Variants in SCML4 observed in about 807,000 individuals in gnomAD.
SCML4 encodes the protein sex comb on midleg-like protein 4.
Under a neutral mutation model 41.1 loss-of-function variants are expected in SCML4, and 34 were observed. The observed-to-expected ratio is 0.83, with a 90% CI of 0.63 to 1.10. The LOEUF (loss-of-function observed/expected upper bound fraction) is 1.10. Ranked by LOEUF, SCML4 falls within the 50% of genes least tolerant of loss-of-function variation. SCML4 has a pLI of 0.00. For missense variants in SCML4, 522 were observed against 534.1 expected (o/e 0.98, Z 0.22); for synonymous variants, 214 against 220.9 (o/e 0.97, Z 0.28).
the SCML4 span, among the ~76,000 whole-genome samples, chr6:107,843,634 C>T: frequency 1.3e-5 from 2 of 152,194 alleles, no homozygotes; most frequent in East Asian, 3.8e-4. Context: ...CTGCCGGTAA[C>T]ATTTGTGCTG....
intron 1 of SCML4, among the ~76,000 whole-genome samples, chr6:107,787,749 A>G (rs77757525): frequency 0.021 from 3,138 of 152,348 alleles, 112 homozygotes; most frequent in African/African-American, 0.069. Flanking sequence ...CACCTTGCCA[A>G]GTAGGAATCC....
intron 5 of SCML4, among the ~76,000 whole-genome samples, chr6:107,739,687 T>C (rs892974485): frequency 2.0e-5 from 3 of 152,226 alleles, no homozygotes; most frequent in African/African-American, 4.8e-5. Context: ...CAAATGCATA[T>C]GCCTTTCTTG....
At chr6:107,820,939 C>T (rs1322234066) in intron 1 of SCML4, among the ~76,000 whole-genome samples, 1 of 152,186 alleles carries the variant, frequency 6.6e-6, no homozygotes, top group Non-Finnish European at 1.5e-5. Context: ...AATTTTACCA[C>T]GATTTGGGTG....
At chr6:107,837,905 C>CTTTTTT in the SCML4 span, among the ~76,000 whole-genome samples, 2 of 115,316 alleles carry the variant, frequency 1.7e-5, no homozygotes, top group African/African-American at 3.2e-5. Flanking sequence ...TTATGATTTT[C>CTTTTTT]TTTTTTTTTT....
At chr6:107,812,578 C>T (rs1784233926) in intron 1 of SCML4, among the ~76,000 whole-genome samples, 1 of 152,204 alleles carries the variant, frequency 6.6e-6, no homozygotes, top group African/African-American at 2.4e-5. Flanking sequence ...TGGCAACCCA[C>T]ACGTGGGGGG....
intron 1 of SCML4, among the ~76,000 whole-genome samples, chr6:107,780,579 C>T (rs1781405715): frequency 6.6e-6 from 1 of 151,916 alleles, no homozygotes; most frequent in African/African-American, 2.4e-5. Context: ...TGGTGGCACA[C>T]ATCTGTGGTC....
At chr6:107,760,099 A>G (rs1373692126) in intron 2 of SCML4, among the ~76,000 whole-genome samples, 1 of 152,182 alleles carries the variant, frequency 6.6e-6, no homozygotes, top group Non-Finnish European at 1.5e-5. Flanking sequence ...TTTTGAACAC[A>G]TTAAAGAATT....
At chr6:107,839,391 AAGAAAGAAAGAAAGAAAG>A in the SCML4 span, among the ~76,000 whole-genome samples, 210 of 141,706 alleles carry the variant, frequency 1.5e-3, 1 homozygote, top group African/African-American at 5.3e-3. Context: ...GAAAGAAAGA[AAGAAAGAAAGAAAGAAAG>A]AGGAAGAAGA....
intron 1 of SCML4, among the ~76,000 whole-genome samples, chr6:107,797,047 T>C (rs1173885754): frequency 6.6e-6 from 1 of 152,136 alleles, no homozygotes; most frequent in Non-Finnish European, 1.5e-5. Context: ...CTTATGCCAA[T>C]TCCAAACTCT....
At chr6:107,715,702 C>G (rs531784640) in intron 6 of SCML4, among the ~76,000 whole-genome samples, 1 of 152,260 alleles carries the variant, frequency 6.6e-6, no homozygotes, top group South Asian at 2.1e-4. Context: ...CGGAGACAGA[C>G]GTGATATATC....
chr6:107,798,896 G>A (rs904487210), intron 1 of SCML4, among the ~76,000 whole-genome samples: 1 of 151,964 alleles, frequency 6.6e-6, no homozygotes, highest in Non-Finnish European at 1.5e-5. Flanking sequence ...TACATATTTG[G>A]GGTTTTCCTG....
At position 107,746,860 on chromosome 6, in the gene SCML4, C is replaced by T. The variant is rs143639662; in HGVS notation, c.316G>A (p.Ala106Thr). Residue 106 changes from alanine (A) to threonine (T), a missense_variant, in exon 4 of 8, where the codon GCG (alanine) becomes ACG (threonine). Physicochemically the swap from Ala to Thr is moderately conservative, Grantham distance 58. Transcript: ENST00000369020. ...VCLYINKQAN[A>T]GPYLERKKVQ... ...TTCTTCCTCTCCAGATAGGGCCCCG[C>T]ATTGGCCTGCTTGTTGATGTAGAGG... The T allele has an allele frequency of 8.6e-4, 1,385 of 1,613,738 alleles. 20 individuals carry two copies. In the South Asian group the frequency reaches 0.011, roughly 12 times the overall value.
At chr6:107,709,865 C>G (rs1391441667) in intron 6 of SCML4, among the ~76,000 whole-genome samples, 1 of 152,154 alleles carries the variant, frequency 6.6e-6, no homozygotes, top group Non-Finnish European at 1.5e-5. Context: ...CGCCCACCAT[C>G]ACGCCCAGCT....
chr6:107,774,070 TA>T (rs1372786070), intron 1 of SCML4, among the ~76,000 whole-genome samples: 1 of 152,214 alleles, frequency 6.6e-6, no homozygotes, highest in Non-Finnish European at 1.5e-5. Context: ...GGAAATACCA[TA>T]TGTAGTAAAT....
At chr6:107,771,026 T>A (rs1382246524) in intron 2 of SCML4, among the ~76,000 whole-genome samples, 1 of 152,092 alleles carries the variant, frequency 6.6e-6, no homozygotes, top group Non-Finnish European at 1.5e-5. Context: ...AGAAAGGAGA[T>A]TCTTGTTGTT....
At chr6:107,836,194 T>A in the SCML4 span, among the ~76,000 whole-genome samples, 1 of 152,192 alleles carries the variant, frequency 6.6e-6, no homozygotes, top group Admixed American at 6.5e-5. Flanking sequence ...TAAAACAAAT[T>A]CATACATCCT....
chr6:107,787,255 T>C (rs1781971233), intron 1 of SCML4, among the ~76,000 whole-genome samples: 1 of 152,164 alleles, frequency 6.6e-6, no homozygotes, highest in South Asian at 2.1e-4. Flanking sequence ...ACCGGGTGAA[T>C]AGAACAACAT....
intron 2 of SCML4, among the ~76,000 whole-genome samples, chr6:107,765,226 G>A (rs897957383): frequency 6.6e-6 from 1 of 152,190 alleles, no homozygotes; most frequent in Non-Finnish European, 1.5e-5. Flanking sequence ...GTCAAGTTCT[G>A]TGCATCAGTG....
the SCML4 span, among the ~76,000 whole-genome samples, chr6:107,844,814 C>T: frequency 6.6e-6 from 1 of 151,942 alleles, no homozygotes; most frequent in Non-Finnish European, 1.5e-5. Flanking sequence ...GTAATCCCAA[C>T]ACTTTGGGAG....
Sources: gnomAD v4.1 joint callset for allele counts (sites outside exome capture counted in the v4.1 genomes callset) on GRCh38, gnomAD v4.1.1 for gene constraint, MANE v1.5 for transcripts, NCBI Gene and HGNC (gene_info 2026-07-23, HGNC 2026-07-21) for gene names.